The following IGFL2 variants were observed in gnomAD, a reference collection of about 807,000 sequenced individuals.
The protein encoded by IGFL2 is insulin growth factor-like family member 2.
In IGFL2, 7 loss-of-function variants were observed where a neutral mutation model predicts 13.9. The observed-to-expected ratio is 0.51, with a 90% confidence interval of 0.29 to 0.95. The LOEUF is 0.95. Ranked by LOEUF, IGFL2 falls within the 40% of genes least tolerant of loss-of-function variation. The pLI is 0.08. For missense variants in IGFL2, 138 were observed against 147.8 expected, an observed-to-expected ratio of 0.93 and a Z score of 0.34; for synonymous variants, 55 against 55.8, an observed-to-expected ratio of 0.99 and a Z score of 0.07.
the IGFL2 span, among the ~76,000 whole-genome samples, chr19:46,132,392 CAGAA>C: frequency 6.6e-6 from 1 of 152,172 alleles, no homozygotes; most frequent in Non-Finnish European, 1.5e-5. Flanking sequence ...ATTAAATGCA[CAGAA>C]AGAAAACAAT....
chr19:46,197,879 A>G, the IGFL2 span, among the ~76,000 whole-genome samples: 1 of 151,732 alleles, frequency 6.6e-6, no homozygotes, highest in Admixed American at 6.6e-5. Context: ...CCCATCACAG[A>G]TGGGGTTTTG....
At chr19:46,120,254 C>T in the IGFL2 span, 4 of 1,599,606 alleles carry the variant, frequency 2.5e-6, 1 homozygote, top group South Asian at 4.5e-5. Flanking sequence ...CTCCGAAGTT[C>T]AACTGTAGTC....
chr19:46,204,976 G>T, the IGFL2 span: 1 of 150,124 alleles, frequency 6.7e-6, no homozygotes, highest in East Asian at 2.0e-4. Flanking sequence ...TAGTATAGAC[G>T]GGATTTTGCC....
the IGFL2 span, among the ~76,000 whole-genome samples, chr19:46,176,009 A>ATTTTTTTTTTTTTTTT: frequency 1.4e-5 from 1 of 71,894 alleles, no homozygotes; most frequent in Non-Finnish European, 2.5e-5. Flanking sequence ...CGCCCGACTA[A>ATTTTTTTTTTTTTTTT]TTTTTTTTTT....
At chr19:46,206,795 C>G in the IGFL2 span, 1 of 152,174 alleles carries the variant, frequency 6.6e-6, no homozygotes, top group Admixed American at 6.5e-5. Flanking sequence ...GATCACTGCT[C>G]TACCCTGCAG....
chr19:46,145,819 G>A (rs1209881844), upstream of IGFL2, among the ~76,000 whole-genome samples: 1 of 151,974 alleles, frequency 6.6e-6, no homozygotes, highest in Non-Finnish European at 1.5e-5. Context: ...ATATTTTGCC[G>A]ATGCTTAATG....
upstream of IGFL2, among the ~76,000 whole-genome samples, chr19:46,140,100 C>T (rs1347900647): frequency 2.0e-5 from 3 of 152,094 alleles, no homozygotes; most frequent in East Asian, 5.8e-4. Flanking sequence ...CAGGTGTGCA[C>T]CACCATGCTG....
At chr19:46,150,119 G>C (rs1426883672) in intron 1 of IGFL2, among the ~76,000 whole-genome samples, 1 of 152,078 alleles carries the variant, frequency 6.6e-6, no homozygotes, top group East Asian at 1.9e-4. Flanking sequence ...GCGTTTCCTT[G>C]GTAAATAACA....
At chr19:46,138,654 T>C (rs747792079), upstream of IGFL2, among the ~76,000 whole-genome samples, 3 of 152,112 alleles carry the variant, frequency 2.0e-5, no homozygotes, top group African/African-American at 4.8e-5. Context: ...GGCTCTCTGA[T>C]AGTTGGACAG....
downstream of IGFL2, among the ~76,000 whole-genome samples, chr19:46,162,481 G>C (rs1317126191): frequency 6.6e-6 from 1 of 152,120 alleles, no homozygotes; most frequent in Non-Finnish European, 1.5e-5. Context: ...TGGAGGTTTG[G>C]TCATTTCTTT....
At chr19:46,179,115 G>T in the IGFL2 span, among the ~76,000 whole-genome samples, 3 of 151,624 alleles carry the variant, frequency 2.0e-5, no homozygotes, top group African/African-American at 7.3e-5. Context: ...GTTGTGGGGT[G>T]GGGGGTCTGT....
rs1043000966 is a variant in IGFL2, at chr19:46,153,443, A to G, written c.19+5146A>G. 2.0e-5 allele frequency among the ~76,000 whole-genome samples: 3 copies of G among 152,034 alleles called. No individual in the cohort carries two copies. In the East Asian group the frequency reaches 5.8e-4, roughly 29 times the overall value. On this transcript the variant is annotated intron_variant, in intron 1 of 3. Coordinates refer to ENST00000377693, the MANE Select transcript of IGFL2 (RefSeq NM_001135113.2). ...TGTAAGTAATGTTGAACATTTTTTC[A>G]TATACTTTTTTCATATACTTGAGTG...
chr19:46,154,835 G>T lies in IGFL2; in HGVS notation c.20-5580G>T, dbSNP rs115072877. 2.4e-3 allele frequency among the ~76,000 whole-genome samples: 359 copies of T among 152,052 alleles called. 1 individual carries two copies. The highest frequency in any genetic ancestry group is 8.2e-3 in the African/African-American group (342 of 41,478). Reference sequence around the variant, plus strand: ...ACCAGAATTTCAGATATTTTTGTACGGTGTTCTTAGGCATGAACTTCTCCA... The same window carrying T: ...ACCAGAATTTCAGATATTTTTGTACTGTGTTCTTAGGCATGAACTTCTCCA... On this transcript the variant is annotated intron_variant, in intron 1 of 3. Transcript: ENST00000377693.
In IGFL2 at chr19:46,148,714, A is replaced by G. The variant is rs914717810; in HGVS notation, c.19+417A>G. ...AGACTCAGAAGGGACCATAGGTGAGAATGGGTGTGGTGAGTGGAGGGAGAA... is the reference window on the plus strand; with the variant it reads ...AGACTCAGAAGGGACCATAGGTGAGGATGGGTGTGGTGAGTGGAGGGAGAA... On this transcript the variant is annotated intron_variant, in intron 1 of 3. Transcript: ENST00000377693. 4 of 639,576 alleles carry G rather than the reference A, an allele frequency of 6.3e-6. No homozygotes were observed. The African/African-American group carries it at 7.3e-5, about 12-fold the overall frequency. The allele number at this position is 639,576 out of a possible 1,614,324, so 39.6% of individuals were successfully genotyped here.
At chr19:46,130,510 T>G in the IGFL2 span, among the ~76,000 whole-genome samples, 2 of 152,060 alleles carry the variant, frequency 1.3e-5, no homozygotes, top group Admixed American at 6.5e-5. Context: ...TACATGCTGT[T>G]TATTGAGGTT....
chr19:46,210,508 G>A, the IGFL2 span, among the ~76,000 whole-genome samples: 1 of 152,048 alleles, frequency 6.6e-6, no homozygotes, highest in Non-Finnish European at 1.5e-5. Flanking sequence ...CAATCACAAG[G>A]TCCCACAATA....
intron 1 of IGFL2, among the ~76,000 whole-genome samples, chr19:46,157,209 G>A (rs1353726286): frequency 1.3e-5 from 2 of 152,120 alleles, no homozygotes; most frequent in African/African-American, 2.4e-5. Context: ...AAAAGAAATT[G>A]ACACCAATTC....
At chr19:46,162,067 T>C (rs1435090247), downstream of IGFL2, among the ~76,000 whole-genome samples, 1 of 152,224 alleles carries the variant, frequency 6.6e-6, no homozygotes, top group Non-Finnish European at 1.5e-5. Context: ...GAAGCATAGT[T>C]TGGCTGGATA....
chr19:46,133,960 G>C, the IGFL2 span, among the ~76,000 whole-genome samples: 1 of 152,196 alleles, frequency 6.6e-6, no homozygotes, highest in Admixed American at 6.5e-5. Context: ...AGAATTCCCT[G>C]ATGACTCCCT....
Sources: gnomAD v4.1 joint callset for allele counts (sites outside exome capture counted in the v4.1 genomes callset) on GRCh38, gnomAD v4.1.1 for gene constraint, MANE v1.5 for transcripts, NCBI Gene and HGNC (gene_info 2026-07-23, HGNC 2026-07-21) for gene names.